TMEM132C: variants seen among roughly 807,000 people sequenced by gnomAD.
TMEM132C encodes the protein protein phosphatase 1, regulatory subunit 152.
A neutral mutation model predicts 61.4 loss-of-function variants in TMEM132C; 29 were observed. The observed-to-expected ratio is 0.47, with a 90% CI of 0.35 to 0.64. TMEM132C has a LOEUF of 0.64. Among genes scored for constraint, TMEM132C ranks in the 30% least tolerant of loss-of-function variants. The probability of loss-of-function intolerance (pLI) is 0.00; values close to 1 mark genes in which losing one functional copy is unlikely to be tolerated. For missense variants in TMEM132C, 1,408 were observed against 1,476.9 expected (o/e 0.95, Z 0.76); for synonymous variants, 656 against 633.1 (o/e 1.04, Z -0.54).
chr12:128,336,697 G>T (rs768776380), intron 1 of TMEM132C, among the ~76,000 whole-genome samples: 3 of 152,086 alleles, frequency 2.0e-5, no homozygotes, highest in Admixed American at 6.6e-5. Context: ...TGACATTTCC[G>T]CTCCCTGGCA....
chr12:128,605,834 G>T (rs1354493421), intron 3 of TMEM132C, among the ~76,000 whole-genome samples: 1 of 152,178 alleles, frequency 6.6e-6, no homozygotes, highest in Non-Finnish European at 1.5e-5. Context: ...GATGTGAAAG[G>T]GTCATTGTCA....
At chr12:128,673,807 GTCAGCATGAGGATTA>G (rs1954557946) in intron 5 of TMEM132C, among the ~76,000 whole-genome samples, 2 of 152,166 alleles carry the variant, frequency 1.3e-5, no homozygotes, top group Non-Finnish European at 2.9e-5. Context: ...AATTCAAAAG[GTCAGCATGAGGATTA>G]ATCAGTTTTA....
intron 2 of TMEM132C, among the ~76,000 whole-genome samples, chr12:128,514,021 T>A (rs1329450757): frequency 6.6e-6 from 1 of 152,156 alleles, no homozygotes; most frequent in Non-Finnish European, 1.5e-5. Context: ...GTTTTGAGGC[T>A]CCAATGCTTG....
Position 128,706,413 on chromosome 12 carries a change from A to G in TMEM132C, c.*118A>G. 1 of 1,312,578 alleles carries G rather than the reference A, an allele frequency of 7.6e-7. No homozygotes were observed. Among genetic ancestry groups the G allele is most frequent in the South Asian group, 1.9e-5 (1 of 51,290 alleles). The allele number at this position is 1,312,578 out of a possible 1,614,324, so 81.3% of individuals were successfully genotyped here. The stretch of plus-strand genomic sequence containing the variant: ...GGGACGGTCCCAGGGTCCATGCTAG[A>G]CCAGTTGGAAAGTTTTGAAGTCAGG... On this transcript the variant is annotated 3_prime_UTR_variant, in exon 9 of 9. Transcript: ENST00000435159.
intron 2 of TMEM132C, among the ~76,000 whole-genome samples, chr12:128,461,221 T>C (rs557039877): frequency 6.6e-6 from 1 of 152,268 alleles, no homozygotes; most frequent in East Asian, 1.9e-4. Flanking sequence ...ATCTACATGT[T>C]CTGATTCTCT....
At chr12:128,279,443 C>T (rs1056660331) in intron 1 of TMEM132C, among the ~76,000 whole-genome samples, 2 of 152,188 alleles carry the variant, frequency 1.3e-5, no homozygotes, top group Non-Finnish European at 2.9e-5. Context: ...TCCTCTGCCC[C>T]AAATTCTCTA....
At chr12:128,489,927 G>A (rs1312690314) in intron 2 of TMEM132C, among the ~76,000 whole-genome samples, 2 of 151,936 alleles carry the variant, frequency 1.3e-5, no homozygotes, top group Non-Finnish European at 2.9e-5. Flanking sequence ...GTTCCCTTTC[G>A]TCCACGTGTA....
intron 2 of TMEM132C, among the ~76,000 whole-genome samples, chr12:128,474,541 A>G (rs1468508962): frequency 1.3e-5 from 2 of 152,220 alleles, no homozygotes; most frequent in Admixed American, 1.3e-4. Context: ...CAGCAGAACA[A>G]CATGTTTTAC....
intron 2 of TMEM132C, among the ~76,000 whole-genome samples, chr12:128,517,981 G>A (rs897640589): frequency 6.6e-6 from 1 of 152,192 alleles, no homozygotes; most frequent in African/African-American, 2.4e-5. Flanking sequence ...GGAACCTCAG[G>A]ATTATGTTGC....
chr12:128,396,202 G>A (rs1279670076), intron 1 of TMEM132C, among the ~76,000 whole-genome samples: 1 of 152,050 alleles, frequency 6.6e-6, no homozygotes, highest in Non-Finnish European at 1.5e-5. Context: ...AATTGACATT[G>A]TTCTGTAACT....
At chr12:128,512,722 A>G (rs1028958551) in intron 2 of TMEM132C, among the ~76,000 whole-genome samples, 2 of 152,110 alleles carry the variant, frequency 1.3e-5, no homozygotes, top group African/African-American at 4.8e-5. Context: ...ACTTTGTTGA[A>G]TTTGCCGCTG....
At chr12:128,501,477 TATA>T (rs1209191933) in intron 2 of TMEM132C, among the ~76,000 whole-genome samples, 1 of 152,190 alleles carries the variant, frequency 6.6e-6, no homozygotes, top group African/African-American at 2.4e-5. Flanking sequence ...TTATCATCCT[TATA>T]ATGGTTACAG....
At chr12:128,339,720 C>T (rs1223391013) in intron 1 of TMEM132C, among the ~76,000 whole-genome samples, 1 of 151,896 alleles carries the variant, frequency 6.6e-6, no homozygotes, top group Non-Finnish European at 1.5e-5. Context: ...GCCTGCAGCT[C>T]TCCATGCATT....
At chr12:128,304,241 C>T (rs1025838206) in intron 1 of TMEM132C, among the ~76,000 whole-genome samples, 2 of 111,374 alleles carry the variant, frequency 1.8e-5, no homozygotes, top group South Asian at 6.1e-4. Flanking sequence ...AATCGAGCTT[C>T]CCTACACATT....
At chr12:128,619,406 A>C (rs532080454) in intron 4 of TMEM132C, among the ~76,000 whole-genome samples, 86 of 152,310 alleles carry the variant, frequency 5.6e-4, no homozygotes, top group Middle Eastern at 3.4e-3. Context: ...GAGTAAATGC[A>C]ATGGGAAAAG....
intron 4 of TMEM132C, among the ~76,000 whole-genome samples, chr12:128,618,134 C>G (rs940540489): frequency 6.6e-6 from 1 of 152,170 alleles, no homozygotes; most frequent in Non-Finnish European, 1.5e-5. Flanking sequence ...AGAGCACACA[C>G]CAGCATCAGC....
At chr12:128,401,591 A>G (rs1875159805) in intron 1 of TMEM132C, among the ~76,000 whole-genome samples, 1 of 152,170 alleles carries the variant, frequency 6.6e-6, no homozygotes, top group Non-Finnish European at 1.5e-5. Context: ...GACTTTTTAG[A>G]TAAGTTTCAT....
At chr12:128,588,277 T>C (rs1029093838) in intron 3 of TMEM132C, among the ~76,000 whole-genome samples, 7 of 152,022 alleles carry the variant, frequency 4.6e-5, no homozygotes, top group Non-Finnish European at 8.8e-5. Context: ...CTACAAAAAA[T>C]TTTTAAAAGT....
chr12:128,396,721 C>T (rs73438649), intron 1 of TMEM132C, among the ~76,000 whole-genome samples: 1,976 of 152,220 alleles, frequency 0.013, 44 homozygotes, highest in African/African-American at 0.046. Flanking sequence ...GGAACAGAGG[C>T]ACAGACAGGC....
Sources: allele counts gnomAD v4.1 joint callset (sites outside exome capture counted in the v4.1 genomes callset), GRCh38; gene constraint gnomAD v4.1.1; transcripts MANE v1.5; gene names NCBI Gene and HGNC (gene_info 2026-07-23, HGNC 2026-07-21).